FAM91A1: variants seen among roughly 807,000 people sequenced by gnomAD.
The protein encoded by FAM91A1 is protein FAM91A1.
A neutral mutation model predicts 113.5 loss-of-function variants in FAM91A1; 41 were observed. The observed-to-expected ratio is 0.36, with a 90% CI of 0.28 to 0.47. The LOEUF (loss-of-function observed/expected upper bound fraction) is 0.47. FAM91A1 is among the 20% of genes least tolerant of loss of function. FAM91A1 has a pLI of 1.00. For synonymous variants in FAM91A1, 307 were observed against 347.9 expected (o/e 0.88, Z 1.31); for missense variants, 696 against 1,001.2 (o/e 0.70, Z 4.11).
At chr8:123,808,227 C>A in intron 20 of FAM91A1, 45 bp from the exon 21 acceptor site, 1 of 1,503,044 alleles carries the variant, frequency 6.7e-7, no homozygotes, top group Non-Finnish European at 9.1e-7. Context: ...GCAGCTTCTG[C>A]TAACTGCTAG....
chr8:123,801,800 A>AC lies in FAM91A1; in HGVS notation c.1809+1915_1809+1916insC, dbSNP rs1815688190. Among the ~76,000 whole-genome samples the AC allele has an allele frequency of 2.7e-5, 4 of 146,638 alleles. No homozygotes were observed. In the South Asian group the frequency reaches 8.6e-4, roughly 32 times the overall value. ...AGCATGATTAAATCTCTGGGCAAGGATTTTTTTTTTTTTCTTTTTTCTTTG... is the reference window on the plus strand; with the variant it reads ...AGCATGATTAAATCTCTGGGCAAGGACTTTTTTTTTTTTTCTTTTTTCTTTG... On this transcript the variant is annotated intron_variant, in intron 18 of 23. Transcript: ENST00000334705.
At chr8:123,790,581 C>T (rs978466160) in intron 15 of FAM91A1, among the ~76,000 whole-genome samples, 1 of 152,104 alleles carries the variant, frequency 6.6e-6, no homozygotes, top group Non-Finnish European at 1.5e-5. Context: ...TTTTTTCTGG[C>T]CAAGAACATC....
At chr8:123,794,141 T>G (rs553720974) in intron 15 of FAM91A1, among the ~76,000 whole-genome samples, 20 of 152,308 alleles carry the variant, frequency 1.3e-4, no homozygotes, top group Admixed American at 1.3e-3. Flanking sequence ...AGTTGACAAG[T>G]GAACAACGTG....
chr8:123,768,714 CGTG>C lies in FAM91A1; in HGVS notation c.14_16del (p.Val5del), dbSNP rs765116609. The C allele has an allele frequency of 6.2e-7, 1 of 1,608,030 alleles. No homozygotes were observed. The highest frequency in any genetic ancestry group is 1.1e-5 in the South Asian group (1 of 90,196). On this transcript the variant is annotated inframe_deletion, in exon 1 of 24. Transcript: ENST00000334705. Reference sequence around the variant, plus strand: ...CTGGCCGCGGCATCATGAACATAGACGTGGAGTTCCACATCCGGCACAACTACC... The same window carrying C: ...CTGGCCGCGGCATCATGAACATAGACGAGTTCCACATCCGGCACAACTACC...
At chr8:123,812,441 T>A in intron 23 of FAM91A1, 78 bp from the exon 24 acceptor site, 2 of 1,261,170 alleles carry the variant, frequency 1.6e-6, no homozygotes, top group Non-Finnish European at 2.2e-6. Context: ...GTAATCAAGG[T>A]CTCTCTTTCT....
intron 1 of FAM91A1, among the ~76,000 whole-genome samples, chr8:123,773,732 A>G (rs912172121): frequency 6.6e-6 from 1 of 152,188 alleles, no homozygotes; most frequent in Non-Finnish European, 1.5e-5. Flanking sequence ...CTATCCAACC[A>G]CTTAATATAG....
At chr8:123,772,979 C>G (rs542436576) in intron 1 of FAM91A1, among the ~76,000 whole-genome samples, 1 of 152,068 alleles carries the variant, frequency 6.6e-6, no homozygotes, top group African/African-American at 2.4e-5. Context: ...GGAGGAAATA[C>G]AGGAAGTGTT....
At position 123,812,766 on chromosome 8, in the gene FAM91A1, T is replaced by C; in HGVS notation, c.*62T>C. The C allele has an allele frequency of 7.3e-7, 1 of 1,364,578 alleles. No individual in the cohort carries two copies. Among genetic ancestry groups the C allele is most frequent in the Non-Finnish European group, 9.7e-7 (1 of 1,028,106 alleles). The allele number at this position is 1,364,578 out of a possible 1,614,324, so 84.5% of individuals were successfully genotyped here. A position where few individuals can be genotyped will look rare whatever the true frequency, so the allele number is the denominator to read the frequency against. On this transcript the variant is annotated 3_prime_UTR_variant, in exon 24 of 24. Coordinates refer to ENST00000334705, the MANE Select transcript of FAM91A1 (RefSeq NM_144963.4). ...TTTTTCTTTCTTAACGTTAGCTTTA[T>C]AGTGTCAGCCACTAAAAAGCATCCT...
intron 1 of FAM91A1, among the ~76,000 whole-genome samples, chr8:123,770,077 C>G (rs541978900): frequency 6.6e-6 from 1 of 152,126 alleles, no homozygotes; most frequent in East Asian, 1.9e-4. Context: ...CTCAGCCTCC[C>G]GAGTAGCTGG....
At chr8:123,777,398 CAT>C (rs1031926213) in intron 4 of FAM91A1, 76 bp downstream of exon 4, 5 of 1,344,412 alleles carry the variant, frequency 3.7e-6, no homozygotes, top group East Asian at 4.7e-5. Context: ...TGAATATTGT[CAT>C]GTGTGTTTTT....
chr8:123,773,466 CA>C (rs1333774617), intron 1 of FAM91A1, among the ~76,000 whole-genome samples: 2 of 152,152 alleles, frequency 1.3e-5, no homozygotes, highest in Non-Finnish European at 2.9e-5. Context: ...AACACTGCAA[CA>C]AAACACTAAG....
Position 123,768,851 on chromosome 8 carries a change from G to A in FAM91A1, c.72+77G>A, listed in dbSNP as rs77431769. The A allele has an allele frequency of 6.3e-3, 9,093 of 1,434,366 alleles. 389 individuals are homozygous for A. In the African/African-American group the frequency reaches 0.1, roughly 16 times the overall value. 88.9% of individuals were successfully genotyped at this position (1,434,366 alleles called of 1,614,324 possible). ...GTCACCTGCTTGCCTCGCTCGCGGG[G>A]CCCGAGCGGGCTGCTGCCGGCTGAC... is the stretch of plus-strand genomic sequence containing the variant. On this transcript the variant is annotated intron_variant, in intron 1 of 23. Transcript: ENST00000334705.
In FAM91A1 at chr8:123,784,504, G is replaced by A. The variant is rs778227168; in HGVS notation, c.738G>A (p.Val246=). ...TTGAAGGTTTTGTAATGAATCGAGT[G>A]CAAGGTGATTATTTTGAAACTCTAC... ...PPLEGFVMNR[V]QGDYFETLLY... Residue 246 remains valine, a synonymous_variant, in exon 9 of 24, where the codon GTG becomes GTA. Transcript: ENST00000334705. 6.2e-7 allele frequency: 1 copy of A among 1,607,034 alleles called. No individual in the cohort carries two copies. Among genetic ancestry groups the A allele is most frequent in the Non-Finnish European group, 8.5e-7 (1 of 1,177,390 alleles).
rs1271456330 is a variant in FAM91A1 at position 123,778,906 on chromosome 8, A to G, written c.549+134A>G. 28 of 615,410 alleles carry G rather than the reference A, an allele frequency of 4.5e-5. No homozygotes were observed. The East Asian group carries it at 9.0e-4, about 20-fold the overall frequency. 38.1% of individuals were successfully genotyped at this position (615,410 alleles called of 1,614,324 possible). On this transcript the variant is annotated intron_variant, in intron 6 of 23. Coordinates refer to ENST00000334705, the MANE Select transcript of FAM91A1 (RefSeq NM_144963.4). ...AAGGAAACTTAAATTTAAAATTTAA[A>G]ATGATCTTAGTAGACTAGAATATTG...
At position 123,789,706 on chromosome 8, in the gene FAM91A1, C is replaced by A; in HGVS notation, c.1372C>A (p.Leu458Ile). 1 of 1,613,336 alleles carries A rather than the reference C, an allele frequency of 6.2e-7. No individual in the cohort carries two copies. The highest frequency in any genetic ancestry group is 8.5e-7 in the Non-Finnish European group (1 of 1,179,804). Reference protein sequence around the residue: ...TILFLRHNKDLVAQTAQPDQP... With the variant: ...TILFLRHNKDIVAQTAQPDQP... ...ACTGTTTCTGCGTCATAACAAAGAT[C>A]TAGTTGCGCAAACTGCACAGCCAGA... Residue 458 changes from leucine (L) to isoleucine (I), a missense_variant, in exon 15 of 24, where the codon CTA (leucine) becomes ATA (isoleucine). Coordinates refer to ENST00000334705, the MANE Select transcript of FAM91A1 (RefSeq NM_144963.4).
At chr8:123,801,975 A>G (rs1326425345) in intron 18 of FAM91A1, among the ~76,000 whole-genome samples, 1 of 152,034 alleles carries the variant, frequency 6.6e-6, no homozygotes, top group East Asian at 1.9e-4. Flanking sequence ...TTGGAGTGTG[A>G]GGGGGTTGTG....
chr8:123,789,558 G>A (rs2130100349), intron 14 of FAM91A1, 55 bp from the exon 15 acceptor site: 3 of 1,607,702 alleles, frequency 1.9e-6, no homozygotes, highest in East Asian at 2.2e-5. Flanking sequence ...GATTATTAGA[G>A]TGAATGGCAT....
chr8:123,792,634 G>A (rs888579518), intron 15 of FAM91A1, among the ~76,000 whole-genome samples: 7 of 152,156 alleles, frequency 4.6e-5, no homozygotes, highest in African/African-American at 1.2e-4. Flanking sequence ...TATTAGAAAC[G>A]TGTTCTAACC....
chr8:123,810,319 C>A lies in FAM91A1; in HGVS notation c.2299C>A (p.Leu767Met), dbSNP rs1178653336. Residue 767 changes from leucine to methionine, a missense_variant, in exon 23 of 24, where the codon CTG becomes ATG. By Grantham distance (15) the Leu-to-Met change is conservative (BLOSUM62 2). Coordinates refer to ENST00000334705, the MANE Select transcript of FAM91A1 (RefSeq NM_144963.4). ...NLLHSSRKLS[L>M]QVLNFVHSFQ... ...CTTACATTCCAGTAGAAAACTCTCT[C>A]TGCAAGTCCTTAACTTTGTTCACTC... 2.5e-6 allele frequency: 4 copies of A among 1,612,712 alleles called. No individual in the cohort carries two copies. Among genetic ancestry groups the A allele is most frequent in the Non-Finnish European group, 3.4e-6 (4 of 1,179,530 alleles).
Sources: gnomAD v4.1 joint callset for allele counts (sites outside exome capture counted in the v4.1 genomes callset) on GRCh38, gnomAD v4.1.1 for gene constraint, MANE v1.5 for transcripts, NCBI Gene and HGNC (gene_info 2026-07-23, HGNC 2026-07-21) for gene names.